The following WWP2 variants were observed in gnomAD, a reference collection of about 807,000 sequenced individuals.
The protein encoded by WWP2 is WW domain containing E3 ubiquitin protein ligase 2.
In WWP2, 57 loss-of-function variants were observed where a neutral mutation model predicts 121.0. The ratio of observed to expected loss-of-function variants is 0.47; its 90% confidence interval spans 0.38 to 0.59. WWP2 has a LOEUF of 0.59. WWP2 is among the 20% of genes least tolerant of loss of function. The probability of loss-of-function intolerance (pLI) is 0.00; values close to 1 mark genes in which losing one functional copy is unlikely to be tolerated. For synonymous variants in WWP2, 449 were observed against 441.3 expected (o/e 1.02, Z -0.22); for missense variants, 962 against 1,158.9 (o/e 0.83, Z 2.47).
intron 8 of WWP2, among the ~76,000 whole-genome samples, chr16:69,892,177 A>G (rs2058039133): frequency 6.6e-6 from 1 of 152,036 alleles, no homozygotes; most frequent in Non-Finnish European, 1.5e-5. Context: ...TTTAATTTAA[A>G]ATTTTATTTT....
chr16:69,777,103 CAT>C (rs980704903), intron 1 of WWP2, among the ~76,000 whole-genome samples: 54 of 149,712 alleles, frequency 3.6e-4, no homozygotes, highest in Admixed American at 4.7e-4. Context: ...TATATATACA[CAT>C]ATGTGTATAT....
chr16:69,885,246 T>A (rs575953778), intron 7 of WWP2, among the ~76,000 whole-genome samples: 9 of 152,322 alleles, frequency 5.9e-5, no homozygotes, highest in Non-Finnish European at 1.3e-4. Context: ...GTGTTTTTTT[T>A]AAAATTGAGT....
At chr16:69,903,529 G>A (rs1472382048) in intron 8 of WWP2, among the ~76,000 whole-genome samples, 1 of 152,124 alleles carries the variant, frequency 6.6e-6, no homozygotes, top group Non-Finnish European at 1.5e-5. Context: ...AGCACTTTGG[G>A]AGGCCGAGGA....
chr16:69,866,830 A>G (rs1254415191), intron 6 of WWP2, among the ~76,000 whole-genome samples: 2 of 149,610 alleles, frequency 1.3e-5, no homozygotes, highest in East Asian at 3.9e-4. Flanking sequence ...TTATTTATTT[A>G]TTTATTTATT....
chr16:69,824,767 C>CTTTT (rs34154307), intron 4 of WWP2, among the ~76,000 whole-genome samples: 5 of 82,788 alleles, frequency 6.0e-5, no homozygotes, highest in African/African-American at 1.6e-4. Flanking sequence ...GCACCTGTGG[C>CTTTT]TTTTTTTTTT....
intron 11 of WWP2, among the ~76,000 whole-genome samples, chr16:69,927,144 G>A (rs1171369273): frequency 2.6e-5 from 4 of 152,196 alleles, no homozygotes; most frequent in Non-Finnish European, 4.4e-5. Context: ...CTAGAATTAA[G>A]AGGAAGAACA....
intron 8 of WWP2, among the ~76,000 whole-genome samples, chr16:69,894,598 G>T (rs2058080067): frequency 6.6e-6 from 1 of 152,190 alleles, no homozygotes; most frequent in African/African-American, 2.4e-5. Flanking sequence ...AGGGTATGAA[G>T]TTTTCAGGTT....
chr16:69,863,413 G>A (rs2151906004), intron 6 of WWP2, among the ~76,000 whole-genome samples: 1 of 152,236 alleles, frequency 6.6e-6, no homozygotes, highest in Middle Eastern at 3.4e-3. Flanking sequence ...GCCGAGGCGG[G>A]TGAAGTCCTG....
At chr16:69,821,897 G>C (rs188940688) in intron 4 of WWP2, among the ~76,000 whole-genome samples, 4 of 151,446 alleles carry the variant, frequency 2.6e-5, no homozygotes, top group African/African-American at 9.7e-5. Flanking sequence ...TAAGAAACAG[G>C]GTCTTACTCT....
At chr16:69,762,649 C>T (rs2038639564) in intron 1 of WWP2, among the ~76,000 whole-genome samples, 1 of 152,056 alleles carries the variant, frequency 6.6e-6, no homozygotes, top group Non-Finnish European at 1.5e-5. Flanking sequence ...AAGGGTGCAG[C>T]TGGAGCGAGT....
chr16:69,783,206 C>T (rs2055702824), intron 1 of WWP2: 1 of 152,044 alleles, frequency 6.6e-6, no homozygotes, highest in Admixed American at 6.6e-5. Flanking sequence ...GATGGGGTTT[C>T]ATCACATTGG....
intron 1 of WWP2, among the ~76,000 whole-genome samples, chr16:69,778,128 TAC>T (rs1212651667): frequency 7.2e-4 from 103 of 143,852 alleles, no homozygotes; most frequent in African/African-American, 2.0e-3. Context: ...TACACATAGA[TAC>T]ACACACACAC....
Position 69,939,988 on chromosome 16 carries a change from C to T in WWP2, c.*48C>T. ...CCCCAGCGCACATGTAGTCCTGAGT[C>T]CTCCCTGCCTGAGAGGCCACTGGCC... On this transcript the variant is annotated 3_prime_UTR_variant, in exon 24 of 24. Coordinates refer to ENST00000359154, the MANE Select transcript of WWP2 (RefSeq NM_001270454.2). 1 of 1,521,264 alleles carries T rather than the reference C, an allele frequency of 6.6e-7. No individual in the cohort carries two copies. Among genetic ancestry groups the T allele is most frequent in the Non-Finnish European group, 9.0e-7 (1 of 1,112,188 alleles). The allele number at this position is 1,521,264 out of a possible 1,614,324, so 94.2% of individuals were successfully genotyped here. A position where few individuals can be genotyped will look rare whatever the true frequency, so the allele number is the denominator to read the frequency against.
At chr16:69,879,424 T>C (rs1454133298) in intron 7 of WWP2, among the ~76,000 whole-genome samples, 3 of 151,976 alleles carry the variant, frequency 2.0e-5, no homozygotes, top group Non-Finnish European at 4.4e-5. Flanking sequence ...TGACCCCTAT[T>C]CTCCTGTTTC....
chr16:69,929,595 A>C, intron 12 of WWP2, 66 bp downstream of exon 12: 1 of 1,471,018 alleles, frequency 6.8e-7, no homozygotes, highest in Non-Finnish European at 9.5e-7. Flanking sequence ...AGCACTGGGC[A>C]GGTGGCTTTG....
At chr16:69,802,658 T>A (rs551777084) in intron 4 of WWP2, among the ~76,000 whole-genome samples, 99 of 151,504 alleles carry the variant, frequency 6.5e-4, no homozygotes, top group African/African-American at 2.3e-3. Context: ...TGGAGTGCAG[T>A]GGCGCGATCT....
intron 2 of WWP2, among the ~76,000 whole-genome samples, chr16:69,789,938 G>A (rs570305953): frequency 6.6e-6 from 1 of 152,282 alleles, no homozygotes; most frequent in South Asian, 2.1e-4. Context: ...TGAAAGCCTT[G>A]CCAATAACAG....
chr16:69,935,810 C>T lies in WWP2; in HGVS notation c.1843-43C>T. 6.3e-7 allele frequency: 1 copy of T among 1,581,942 alleles called. No homozygotes were observed. The highest frequency in any genetic ancestry group is 8.6e-7 in the Non-Finnish European group (1 of 1,165,934). ...ATCTGAGAGCTGGTCTTGGCAGTGC[C>T]CAGGGAAGGCCAAACCTCTGTGCTG... On this transcript the variant is annotated intron_variant, in intron 17 of 23. Transcript: ENST00000359154. This position sits in a 1 kb window ranked among gnomAD's most constrained non-coding sequence, Gnocchi z 5.2.
rs117917700 is a variant in WWP2, at chr16:69,784,482, T to A, written c.-15-2514T>A. On this transcript the variant is annotated intron_variant, in intron 1 of 23. Transcript: ENST00000359154. ...CCAATGTTCCAGAAGCAAAGGTGAGTAAAGCAGTTGGTGCTAGCACCAATT... is the reference window on the plus strand; with the variant it reads ...CCAATGTTCCAGAAGCAAAGGTGAGAAAAGCAGTTGGTGCTAGCACCAATT... 3.7e-3 allele frequency among the ~76,000 whole-genome samples: 571 copies of A among 152,274 alleles called. 2 individuals are homozygous for A. Among genetic ancestry groups the A allele is most frequent in the Middle Eastern group, 0.01 (3 of 294 alleles).
Sources: allele counts gnomAD v4.1 joint callset (sites outside exome capture counted in the v4.1 genomes callset), GRCh38; gene constraint gnomAD v4.1.1; non-coding constraint Gnocchi (gnomAD v3.1); transcripts MANE v1.5; gene names NCBI Gene and HGNC (gene_info 2026-07-23, HGNC 2026-07-21).